The following PTPRT variants were observed in gnomAD, a reference collection of about 807,000 sequenced individuals.
The protein encoded by PTPRT is receptor-type tyrosine-protein phosphatase T.
A neutral mutation model predicts 176.8 loss-of-function variants in PTPRT; 56 were observed. That is an observed-to-expected ratio of 0.32 (90% CI 0.26 to 0.40). The LOEUF (loss-of-function observed/expected upper bound fraction) is 0.40, where lower values mean the gene tolerates loss of function less well. PTPRT is among the 10% of genes least tolerant of loss of function. The pLI is 1.00. For synonymous variants in PTPRT, 783 were observed against 739.0 expected (o/e 1.06, Z -0.96); for missense variants, 1,540 against 1,908.2 (o/e 0.81, Z 3.60).
the PTPRT span, among the ~76,000 whole-genome samples, chr20:42,049,004 A>G: frequency 2.6e-5 from 4 of 152,074 alleles, no homozygotes; most frequent in African/African-American, 7.2e-5. Context: ...TGTATTTAGT[A>G]GAGATGGGGT....
At chr20:42,033,982 C>G in the PTPRT span, among the ~76,000 whole-genome samples, 2 of 152,146 alleles carry the variant, frequency 1.3e-5, no homozygotes, top group African/African-American at 4.8e-5. Context: ...ATACGTATGT[C>G]TACATGTTAT....
At chr20:42,637,043 G>T (rs536090276) in intron 7 of PTPRT, among the ~76,000 whole-genome samples, 1 of 152,066 alleles carries the variant, frequency 6.6e-6, no homozygotes, top group South Asian at 2.1e-4. Flanking sequence ...AGCCATAGTC[G>T]AGGTCTCCAA....
intron 1 of PTPRT, among the ~76,000 whole-genome samples, chr20:42,985,192 C>A (rs6030586): frequency 6.6e-6 from 1 of 152,018 alleles, no homozygotes; most frequent in African/African-American, 2.4e-5. Flanking sequence ...CATGCCAGGC[C>A]CTGTACTAGA....
rs755381090 is a variant in PTPRT at position 42,472,479 on chromosome 20, C to T, written c.1237G>A (p.Ala413Thr). The change falls in exon 8 of 31, where the codon GCG (alanine) becomes ACG (threonine). Residue 413 changes from alanine (A) to threonine (T), a missense_variant. Ala to Thr is a moderately conservative substitution (Grantham distance 58). Transcript: ENST00000373187. ...LTLQWEPFGY[A>T]VTRCHSYNLT... is the part of the protein sequence containing the mutation. ...TTGTAGCTATGGCAGCGGGTCACCGCGTAGCCGAAGGGCTCCCACTGCAGG... is the reference window on the plus strand; with the variant it reads ...TTGTAGCTATGGCAGCGGGTCACCGTGTAGCCGAAGGGCTCCCACTGCAGG... The T allele has an allele frequency of 9.9e-6, 16 of 1,614,134 alleles. No homozygotes were observed. The highest frequency in any genetic ancestry group is 8.9e-5 in the East Asian group (4 of 44,896).
At chr20:42,248,636 T>C (rs375013504) in intron 14 of PTPRT, 51 bp downstream of exon 14, 381 of 1,603,700 alleles carry the variant, frequency 2.4e-4, no homozygotes, top group African/African-American at 5.2e-4. Flanking sequence ...CACAGCAGTG[T>C]TGAGGTCACC....
At chr20:43,053,524 A>C (rs1388519744) in intron 1 of PTPRT, among the ~76,000 whole-genome samples, 2 of 152,190 alleles carry the variant, frequency 1.3e-5, no homozygotes, top group East Asian at 3.8e-4. Context: ...CCCATCATTC[A>C]TATAACAGAC....
At chr20:43,085,971 G>C (rs1179326802) in intron 1 of PTPRT, among the ~76,000 whole-genome samples, 2 of 151,990 alleles carry the variant, frequency 1.3e-5, no homozygotes, top group African/African-American at 4.8e-5. Flanking sequence ...CCCCACAACT[G>C]AAAGAGGAAA....
At chr20:43,031,930 T>C (rs1311099594) in intron 1 of PTPRT, among the ~76,000 whole-genome samples, 2 of 152,174 alleles carry the variant, frequency 1.3e-5, no homozygotes, top group Admixed American at 6.5e-5. Context: ...AGCCTCTCCA[T>C]GACCTTCTTC....
intron 16 of PTPRT, among the ~76,000 whole-genome samples, chr20:42,176,041 A>G (rs1990277576): frequency 6.6e-6 from 1 of 152,120 alleles, no homozygotes; most frequent in Non-Finnish European, 1.5e-5. Flanking sequence ...ATGAATTACT[A>G]TAGTTATTGA....
At chr20:43,148,474 C>T (rs1600749101) in intron 1 of PTPRT, among the ~76,000 whole-genome samples, 1 of 152,174 alleles carries the variant, frequency 6.6e-6, no homozygotes, top group Non-Finnish European at 1.5e-5. Flanking sequence ...GTTATCTCTG[C>T]AACCCCAGCA....
At chr20:42,042,639 T>G in the PTPRT span, among the ~76,000 whole-genome samples, 4 of 152,200 alleles carry the variant, frequency 2.6e-5, no homozygotes, top group African/African-American at 9.7e-5. Context: ...CTCCCTCATA[T>G]CAGTTGCTGA....
intron 22 of PTPRT, among the ~76,000 whole-genome samples, chr20:42,114,680 G>A (rs115998025): frequency 1.8e-3 from 277 of 152,212 alleles, no homozygotes; most frequent in African/African-American, 6.5e-3. Flanking sequence ...TCTCCCCCAA[G>A]TTGTGTCAAC....
intron 1 of PTPRT, among the ~76,000 whole-genome samples, chr20:43,137,266 C>T (rs2013861527): frequency 6.6e-6 from 1 of 152,176 alleles, no homozygotes; most frequent in African/African-American, 2.4e-5. Flanking sequence ...CCCAAGATGT[C>T]AGTGTTCTTT....
At chr20:42,323,633 G>C (rs1226972157) in intron 11 of PTPRT, among the ~76,000 whole-genome samples, 1 of 151,978 alleles carries the variant, frequency 6.6e-6, no homozygotes, top group East Asian at 1.9e-4. Flanking sequence ...AGAGGGGAGG[G>C]ATAGCATTAG....
At chr20:42,414,566 T>A (rs897148545) in intron 9 of PTPRT, among the ~76,000 whole-genome samples, 2 of 152,122 alleles carry the variant, frequency 1.3e-5, no homozygotes, top group African/African-American at 2.4e-5. Flanking sequence ...AAAATTAACA[T>A]GAAAAGCCAG....
At chr20:42,970,143 T>A (rs1982538949) in intron 1 of PTPRT, among the ~76,000 whole-genome samples, 2 of 152,184 alleles carry the variant, frequency 1.3e-5, no homozygotes, top group East Asian at 3.8e-4. Flanking sequence ...AGCAGTTCAG[T>A]CCCTGTTTGT....
At chr20:43,004,152 T>C (rs555761207) in intron 1 of PTPRT, among the ~76,000 whole-genome samples, 1 of 146,766 alleles carries the variant, frequency 6.8e-6, no homozygotes, top group African/African-American at 2.6e-5. Context: ...AAAAACGTTT[T>C]AAATCACAAC....
intron 18 of PTPRT, 34 bp from the exon 19 acceptor site, chr20:42,128,864 A>C: frequency 6.4e-7 from 1 of 1,561,698 alleles, no homozygotes. Flanking sequence ...GGGATGGTTG[A>C]TAAGAGGCCT....
intron 18 of PTPRT, among the ~76,000 whole-genome samples, chr20:42,138,284 T>C (rs1387211190): frequency 2.0e-5 from 3 of 152,176 alleles, no homozygotes; most frequent in African/African-American, 7.2e-5. Flanking sequence ...GAAGATTGGG[T>C]GGAGGGAGGA....
Sources: gnomAD v4.1 joint callset for allele counts (sites outside exome capture counted in the v4.1 genomes callset) on GRCh38, gnomAD v4.1.1 for gene constraint, MANE v1.5 for transcripts, NCBI Gene and HGNC (gene_info 2026-07-23, HGNC 2026-07-21) for gene names.